Variants in MIB1 observed in about 807,000 individuals in gnomAD.
MIB1 encodes MIB E3 ubiquitin protein ligase 1, also known as E3 ubiquitin-protein ligase MIB1.
MIB1 carries 278 observed loss-of-function variants against 124.5 expected under a neutral mutation model. That is an observed-to-expected ratio of 2.23 (90% confidence interval 2.02 to 2.47). MIB1 has a LOEUF of 2.47. Among genes scored for constraint, MIB1 ranks in the 30% most tolerant of loss-of-function variants. MIB1 has a pLI of 0.00. For synonymous variants in MIB1, 446 were observed against 429.4 expected (o/e 1.04, Z -0.48); for missense variants, 957 against 1,254.4 (o/e 0.76, Z 3.58).
intron 1 of MIB1, among the ~76,000 whole-genome samples, chr18:21,732,817 T>C (rs1277738519): frequency 1.3e-5 from 2 of 152,196 alleles, no homozygotes; most frequent in Non-Finnish European, 2.9e-5. Flanking sequence ...TCACAAAATA[T>C]CCCTTGTTTG....
intron 1 of MIB1, among the ~76,000 whole-genome samples, chr18:21,707,270 G>T (rs1030214819): frequency 6.6e-6 from 1 of 152,162 alleles, no homozygotes; most frequent in East Asian, 1.9e-4. Context: ...GAGAAATTTT[G>T]TGTCTAGCTC....
intron 9 of MIB1, chr18:21,803,675 A>G (rs2041673900): frequency 8.4e-6 from 3 of 358,608 alleles, no homozygotes; most frequent in African/African-American, 4.2e-5. Flanking sequence ...ATTGCCTAAC[A>G]GTTATTTCGT....
intron 1 of MIB1, among the ~76,000 whole-genome samples, chr18:21,756,866 G>A (rs898899399): frequency 6.6e-6 from 1 of 152,138 alleles, no homozygotes; most frequent in Non-Finnish European, 1.5e-5. Flanking sequence ...AAAATTGCCA[G>A]TTTTATGTCT....
chr18:21,843,040 G>C (rs1273527660), intron 13 of MIB1, 91 bp from the exon 14 acceptor site: 1 of 807,518 alleles, frequency 1.2e-6, no homozygotes, highest in Non-Finnish European at 2.0e-6. Flanking sequence ...AGCAGTGTTC[G>C]GTGTTATTTA....
intron 20 of MIB1, 145 bp downstream of exon 20, chr18:21,858,791 T>C: frequency 2.0e-6 from 1 of 506,162 alleles, no homozygotes; most frequent in Non-Finnish European, 3.6e-6. Context: ...AATAATCTGA[T>C]TAGAGGGTTT....
chr18:21,748,305 T>C (rs1209052153), intron 1 of MIB1, among the ~76,000 whole-genome samples: 1 of 152,080 alleles, frequency 6.6e-6, no homozygotes, highest in Admixed American at 6.6e-5. Context: ...TGTTCAGTGC[T>C]CTTTTCAAAA....
chr18:21,708,138 G>A (rs574592263), intron 1 of MIB1, among the ~76,000 whole-genome samples: 1 of 152,256 alleles, frequency 6.6e-6, no homozygotes, highest in South Asian at 2.1e-4. Flanking sequence ...AGGTGGAGGC[G>A]GGGGATACAA....
chr18:21,813,266 C>CT (rs1156931696), intron 10 of MIB1, among the ~76,000 whole-genome samples: 6 of 150,748 alleles, frequency 4.0e-5, no homozygotes, highest in Admixed American at 2.0e-4. Flanking sequence ...GATTTTAACT[C>CT]TAAGATTCTG....
At chr18:21,705,828 A>G (rs903102931) in intron 1 of MIB1, among the ~76,000 whole-genome samples, 3 of 152,118 alleles carry the variant, frequency 2.0e-5, no homozygotes, top group Non-Finnish European at 4.4e-5. Flanking sequence ...TTCTTGTTTT[A>G]ATAATCTGTA....
intron 1 of MIB1, among the ~76,000 whole-genome samples, chr18:21,756,017 A>G (rs2146393398): frequency 6.6e-6 from 1 of 152,282 alleles, no homozygotes; most frequent in South Asian, 2.1e-4. Context: ...CTTTGAATTG[A>G]AATATTTTAC....
chr18:21,836,072 T>A (rs1034657816), intron 12 of MIB1, among the ~76,000 whole-genome samples: 1 of 151,118 alleles, frequency 6.6e-6, no homozygotes, highest in East Asian at 2.0e-4. Context: ...TGTTACATGG[T>A]GAAACCCCGC....
intron 6 of MIB1, among the ~76,000 whole-genome samples, chr18:21,786,795 C>T (rs760449008): frequency 1.2e-4 from 19 of 152,130 alleles, no homozygotes; most frequent in Non-Finnish European, 2.4e-4. Flanking sequence ...ATTTTGAAAA[C>T]ATCATTTCCA....
rs746418633 is a variant in MIB1, at chr18:21,741,544, GGCGGCGGCGGCA to G, written c.-32_-21del. 8 of 1,303,614 alleles carry G rather than the reference GGCGGCGGCGGCA, an allele frequency of 6.1e-6. No individual in the cohort carries two copies. Among genetic ancestry groups the G allele is most frequent in the African/African-American group, 4.7e-5 (3 of 64,162 alleles). The allele number at this position is 1,303,614 out of a possible 1,614,324, so 80.8% of individuals were successfully genotyped here. ...CGGGCCCCCCGGCGGCAGCGGCGGC[GGCGGCGGCGGCA>G]GCGGCGGAGCCCACCGCCCGGGCCC... On this transcript the variant is annotated 5_prime_UTR_variant, in exon 1 of 21. Coordinates refer to ENST00000261537, the MANE Select transcript of MIB1 (RefSeq NM_020774.4). This position sits in a 1 kb window ranked among gnomAD's most constrained non-coding sequence, Gnocchi z 5.4.
At chr18:21,838,301 C>T in intron 12 of MIB1, 64 bp from the exon 13 acceptor site, 1 of 1,202,410 alleles carries the variant, frequency 8.3e-7, no homozygotes, top group Non-Finnish European at 1.1e-6. Flanking sequence ...CATTTGATTG[C>T]AAACTTTTCT....
chr18:21,855,475 T>C (rs1428491195), intron 18 of MIB1, among the ~76,000 whole-genome samples: 1 of 152,244 alleles, frequency 6.6e-6, no homozygotes, highest in Non-Finnish European at 1.5e-5. Flanking sequence ...TGTTTATGTA[T>C]TATATATTTA....
chr18:21,768,311 A>G (rs1389221990), intron 2 of MIB1, among the ~76,000 whole-genome samples: 2 of 152,192 alleles, frequency 1.3e-5, no homozygotes, highest in African/African-American at 2.4e-5. Flanking sequence ...CCTCATTTAT[A>G]AAGTGGATAA....
At chr18:21,857,312 T>G (rs1001812876) in intron 19 of MIB1, 69 bp downstream of exon 19, 8 of 902,188 alleles carry the variant, frequency 8.9e-6, no homozygotes, top group African/African-American at 1.6e-5. Context: ...ACCTCTTCTC[T>G]TTCGTAATAC....
In MIB1 at chr18:21,740,821, A is replaced by G. The variant is rs931433179; in HGVS notation, c.-763A>G. ...GACCCTGGAGAGACGCTTAGGGATCAGTTTTCTCCTCCTTTCTTCCCGCGA... is the reference window on the plus strand; with the variant it reads ...GACCCTGGAGAGACGCTTAGGGATCGGTTTTCTCCTCCTTTCTTCCCGCGA... On this transcript the variant is annotated 5_prime_UTR_variant, in exon 1 of 21. Transcript: ENST00000261537. 6.6e-6 allele frequency among the ~76,000 whole-genome samples: 1 copy of G among 152,238 alleles called. No homozygotes were observed. Among genetic ancestry groups the G allele is most frequent in the Non-Finnish European group, 1.5e-5 (1 of 68,042 alleles).
At chr18:21,724,495 G>A (rs978382537) in intron 1 of MIB1, among the ~76,000 whole-genome samples, 17 of 150,300 alleles carry the variant, frequency 1.1e-4, no homozygotes, top group Non-Finnish European at 2.1e-4. Flanking sequence ...ACTTGAGGTC[G>A]GGAGTTTGAG....
Sources: gnomAD v4.1 joint callset for allele counts (sites outside exome capture counted in the v4.1 genomes callset) on GRCh38, gnomAD v4.1.1 for gene constraint, Gnocchi (gnomAD v3.1) non-coding constraint, MANE v1.5 for transcripts, NCBI Gene and HGNC (gene_info 2026-07-23, HGNC 2026-07-21) for gene names.